Variants in KCNIP4 observed in about 807,000 individuals in gnomAD.
KCNIP4 encodes Kv channel-interacting protein 4.
KCNIP4 carries 12 observed loss-of-function variants against 34.0 expected under a neutral mutation model. The observed-to-expected ratio is 0.35, with a 90% CI of 0.23 to 0.57. The LOEUF (loss-of-function observed/expected upper bound fraction) is 0.57. Ranked by LOEUF, KCNIP4 falls within the 20% of genes least tolerant of loss-of-function variation. KCNIP4 has a pLI of 0.83. For synonymous variants in KCNIP4, 124 were observed against 102.2 expected (o/e 1.21, Z -1.29); for missense variants, 238 against 311.7 (o/e 0.76, Z 1.78).
intron 1 of KCNIP4, among the ~76,000 whole-genome samples, chr4:21,565,576 C>T (rs1430858818): frequency 6.6e-5 from 10 of 152,094 alleles, no homozygotes; most frequent in South Asian, 6.2e-4. Flanking sequence ...TTGTGTCATA[C>T]GGCTATTCAT....
chr4:21,563,023 T>C (rs984576081), intron 1 of KCNIP4, among the ~76,000 whole-genome samples: 1 of 152,066 alleles, frequency 6.6e-6, no homozygotes, highest in African/African-American at 2.4e-5. Context: ...AGTTAGGTTT[T>C]AAAGGATTTT....
At chr4:21,438,376 A>T (rs1577359694) in intron 1 of KCNIP4, among the ~76,000 whole-genome samples, 1 of 152,236 alleles carries the variant, frequency 6.6e-6, no homozygotes, top group East Asian at 1.9e-4. Flanking sequence ...TGATCTTTTT[A>T]AAACTTAAGC....
chr4:21,879,541 C>G (rs1726343036), intron 1 of KCNIP4, among the ~76,000 whole-genome samples: 1 of 152,186 alleles, frequency 6.6e-6, no homozygotes, highest in Non-Finnish European at 1.5e-5. Flanking sequence ...TCGACTTCAT[C>G]ATTTTGTTCT....
At chr4:21,866,353 A>G (rs1432199115) in intron 1 of KCNIP4, among the ~76,000 whole-genome samples, 1 of 152,170 alleles carries the variant, frequency 6.6e-6, no homozygotes, top group African/African-American at 2.4e-5. Context: ...CTGTTTATTC[A>G]GGGGAAAAAG....
chr4:21,174,077 C>T (rs1754216523), intron 1 of KCNIP4, among the ~76,000 whole-genome samples: 1 of 152,108 alleles, frequency 6.6e-6, no homozygotes, highest in Admixed American at 6.5e-5. Context: ...CAAATTGTTC[C>T]CTTATAACTC....
At chr4:20,941,866 T>C (rs970821183) in intron 1 of KCNIP4, among the ~76,000 whole-genome samples, 1 of 152,194 alleles carries the variant, frequency 6.6e-6, no homozygotes, top group Admixed American at 6.5e-5. Flanking sequence ...TCACATTTAA[T>C]CATTTCTGTA....
At chr4:21,143,949 C>T (rs1438869016) in intron 1 of KCNIP4, among the ~76,000 whole-genome samples, 1 of 151,942 alleles carries the variant, frequency 6.6e-6, no homozygotes, top group African/African-American at 2.4e-5. Flanking sequence ...GCCTGGTGAT[C>T]CACCCACCTT....
intron 1 of KCNIP4, among the ~76,000 whole-genome samples, chr4:21,402,545 C>A (rs1723636466): frequency 6.6e-6 from 1 of 152,196 alleles, no homozygotes; most frequent in Admixed American, 6.5e-5. Flanking sequence ...GGTTTCCTAA[C>A]AATGGTAGTT....
chr4:21,755,250 A>C (rs909394800), intron 1 of KCNIP4, among the ~76,000 whole-genome samples: 2 of 152,194 alleles, frequency 1.3e-5, no homozygotes, highest in Non-Finnish European at 2.9e-5. Context: ...CAACTTTCAT[A>C]TCTATAAGGT....
intron 1 of KCNIP4, among the ~76,000 whole-genome samples, chr4:21,908,907 T>C (rs1728147918): frequency 6.6e-6 from 1 of 152,146 alleles, no homozygotes; most frequent in Non-Finnish European, 1.5e-5. Flanking sequence ...AAGTCAACTA[T>C]GTTATAACTG....
At chr4:21,530,715 TA>T (rs1405254281) in intron 1 of KCNIP4, among the ~76,000 whole-genome samples, 15 of 152,090 alleles carry the variant, frequency 9.9e-5, no homozygotes, top group African/African-American at 3.4e-4. Context: ...CACAATAAAA[TA>T]AGTATATTAA....
At chr4:21,645,687 C>A (rs1050859608) in intron 1 of KCNIP4, among the ~76,000 whole-genome samples, 1 of 152,080 alleles carries the variant, frequency 6.6e-6, no homozygotes, top group Non-Finnish European at 1.5e-5. Context: ...ATCGCTGAAC[C>A]AAGCCCCAAA....
intron 1 of KCNIP4, among the ~76,000 whole-genome samples, chr4:21,743,669 T>C (rs536696633): frequency 1.3e-5 from 2 of 151,752 alleles, no homozygotes; most frequent in African/African-American, 4.8e-5. Flanking sequence ...AGATGCATAC[T>C]TTCTCTTTTT....
chr4:21,482,450 C>G (rs192133697), intron 1 of KCNIP4, among the ~76,000 whole-genome samples: 74 of 152,188 alleles, frequency 4.9e-4, no homozygotes, highest in African/African-American at 1.6e-3. Context: ...TGCCTGGTAC[C>G]GGTTGTTCCT....
chr4:20,815,828 G>A (rs1310892229), intron 3 of KCNIP4, among the ~76,000 whole-genome samples: 1 of 152,100 alleles, frequency 6.6e-6, no homozygotes, highest in Non-Finnish European at 1.5e-5. Flanking sequence ...CATTTTCTAC[G>A]GTTTTGTAGT....
At chr4:21,939,678 T>G (rs1374566086) in intron 1 of KCNIP4, among the ~76,000 whole-genome samples, 2 of 152,134 alleles carry the variant, frequency 1.3e-5, no homozygotes, top group African/African-American at 4.8e-5. Context: ...AACTGGACCA[T>G]GAGCGGACAG....
intron 1 of KCNIP4, among the ~76,000 whole-genome samples, chr4:21,452,701 T>C (rs1460947248): frequency 6.6e-6 from 1 of 151,488 alleles, no homozygotes; most frequent in Non-Finnish European, 1.5e-5. Context: ...CTATTATTTG[T>C]CCTGCATGTT....
At chr4:21,692,189 C>T (rs891516481) in intron 1 of KCNIP4, among the ~76,000 whole-genome samples, 4 of 152,122 alleles carry the variant, frequency 2.6e-5, no homozygotes, top group East Asian at 1.9e-4. Context: ...GGCTTTAACC[C>T]TGCAAGCTTA....
At chr4:20,864,170 A>ATGTATG (rs1560525575) in intron 2 of KCNIP4, among the ~76,000 whole-genome samples, 23 of 72,166 alleles carry the variant, frequency 3.2e-4, no homozygotes, top group Non-Finnish European at 7.9e-4. Flanking sequence ...ACATGTATGT[A>ATGTATG]TACACATGTA....
Sources: allele counts gnomAD v4.1 joint callset (sites outside exome capture counted in the v4.1 genomes callset), GRCh38; gene constraint gnomAD v4.1.1; transcripts MANE v1.5; gene names NCBI Gene and HGNC (gene_info 2026-07-23, HGNC 2026-07-21).